The following CSMD2 variants were observed in gnomAD, a reference collection of about 807,000 sequenced individuals.
CSMD2 encodes the protein CUB and Sushi multiple domains 2.
A neutral mutation model predicts 398.5 loss-of-function variants in CSMD2; 130 were observed. The ratio of observed to expected loss-of-function variants is 0.33; its 90% confidence interval spans 0.28 to 0.38. The LOEUF is 0.38. Ranked by LOEUF, CSMD2 falls within the 10% of genes least tolerant of loss-of-function variation. The probability of loss-of-function intolerance (pLI) is 1.00; values close to 1 mark genes in which losing one functional copy is unlikely to be tolerated. For synonymous variants in CSMD2, 1,828 were observed against 1,908.5 expected (o/e 0.96, Z 1.10); for missense variants, 3,829 against 4,764.9 (o/e 0.80, Z 5.78).
intron 25 of CSMD2, among the ~76,000 whole-genome samples, chr1:33,668,808 G>T (rs1043990602): frequency 2.0e-5 from 3 of 152,186 alleles, no homozygotes; most frequent in Non-Finnish European, 4.4e-5. Flanking sequence ...CATTTCCAGG[G>T]AAGAGAAATG....
chr1:34,098,252 G>A (rs1659578850), intron 1 of CSMD2, among the ~76,000 whole-genome samples: 1 of 128,034 alleles, frequency 7.8e-6, no homozygotes, highest in Non-Finnish European at 1.6e-5. Context: ...ATCACATTCT[G>A]GGGACTGTTG....
chr1:33,537,381 A>G lies in CSMD2; in HGVS notation c.9805+55T>C. 2 of 1,547,622 alleles carry G rather than the reference A, an allele frequency of 1.3e-6. No individual in the cohort carries two copies. The highest frequency in any genetic ancestry group is 1.8e-6 in the Non-Finnish European group (2 of 1,142,322). Reference sequence around the variant, plus strand: ...GGAAAGTAATCATCTCAGGCCCAAAAGAAGGTCTCCCGCAACCCCAGCCAA... The same window carrying G: ...GGAAAGTAATCATCTCAGGCCCAAAGGAAGGTCTCCCGCAACCCCAGCCAA... On this transcript the variant is annotated intron_variant, in intron 61 of 70. Coordinates refer to ENST00000373381, the MANE Select transcript of CSMD2 (RefSeq NM_001281956.2). This position sits in a 1 kb window ranked among gnomAD's most constrained non-coding sequence, Gnocchi z 4.6.
chr1:33,577,397 C>T lies in CSMD2; in HGVS notation c.7475G>A (p.Gly2492Asp). ...CACCAGGCGGTAGCCGGCGTTGCAG[C>T]CAAAGTGGATGGAGCCCCCGGGCTG... ...STQPGGSIHF[G>D]CNAGYRLVGH... Residue 2492 changes from glycine (G) to aspartate (D), a missense_variant, in exon 49 of 71, where the codon GGC becomes GAC. By Grantham distance (94) the Gly-to-Asp change is moderately conservative (BLOSUM62 -1). Coordinates refer to ENST00000373381, the MANE Select transcript of CSMD2 (RefSeq NM_001281956.2). 6.2e-7 allele frequency: 1 copy of T among 1,614,152 alleles called. No homozygotes were observed. The highest frequency in any genetic ancestry group is 8.5e-7 in the Non-Finnish European group (1 of 1,180,004).
chr1:33,999,388 T>C (rs1006959739), intron 3 of CSMD2, among the ~76,000 whole-genome samples: 1 of 152,162 alleles, frequency 6.6e-6, no homozygotes, highest in Admixed American at 6.5e-5. Flanking sequence ...TTAAAAATTT[T>C]TTTTTATTTT....
chr1:34,055,693 C>A (rs2148240874), intron 2 of CSMD2, among the ~76,000 whole-genome samples: 1 of 152,318 alleles, frequency 6.6e-6, no homozygotes, highest in East Asian at 1.9e-4. Flanking sequence ...GCATATCAGT[C>A]TCCAGGAACC....
chr1:33,730,531 G>A (rs1490535763), intron 15 of CSMD2, among the ~76,000 whole-genome samples: 2 of 151,554 alleles, frequency 1.3e-5, no homozygotes, highest in Non-Finnish European at 2.9e-5. Context: ...TTAGTTGGTA[G>A]CATAATCCCA....
chr1:33,935,837 T>G lies in CSMD2; in HGVS notation c.635A>C (p.Glu212Ala). 4.3e-6 allele frequency: 7 copies of G among 1,614,172 alleles called. No homozygotes were observed. Among genetic ancestry groups the G allele is most frequent in the Non-Finnish European group, 5.9e-6 (7 of 1,180,004 alleles). Residue 212 changes from glutamate to alanine, a missense_variant, in exon 4 of 71, where the codon GAG becomes GCG. Physicochemically the swap from Glu to Ala is moderately radical, Grantham distance 107 (BLOSUM62 -1). Coordinates refer to ENST00000373381, the MANE Select transcript of CSMD2 (RefSeq NM_001281956.2). ...GTGGCAGGTGAGCACGGCGTGGCCC[T>G]CCAGGAAGAAGCCAAGGTTGCAGCT... ...RYSCNLGFFL[E>A]GHAVLTCHAG...
At chr1:34,143,710 A>T (rs918481973) in intron 1 of CSMD2, among the ~76,000 whole-genome samples, 3 of 152,166 alleles carry the variant, frequency 2.0e-5, no homozygotes, top group African/African-American at 7.2e-5. Flanking sequence ...GAAGGAAGGA[A>T]GGAGGGGAAA....
chr1:34,012,671 A>G (rs896657839), intron 3 of CSMD2, among the ~76,000 whole-genome samples: 1 of 152,158 alleles, frequency 6.6e-6, no homozygotes, highest in African/African-American at 2.4e-5. Context: ...TGCTCCATAT[A>G]CTAGAATGTA....
intron 25 of CSMD2, among the ~76,000 whole-genome samples, chr1:33,666,553 G>A (rs1158466873): frequency 2.0e-5 from 3 of 151,926 alleles, no homozygotes; most frequent in Non-Finnish European, 4.4e-5. Flanking sequence ...GTGTGTGTGT[G>A]TGTGTGTGTG....
At chr1:33,750,537 C>T (rs953418841) in intron 13 of CSMD2, among the ~76,000 whole-genome samples, 6 of 152,170 alleles carry the variant, frequency 3.9e-5, no homozygotes, top group African/African-American at 1.2e-4. Flanking sequence ...GACCACGACA[C>T]CTACTTCCTC....
rs545734732 is a variant in CSMD2, at chr1:33,528,225, G to C, written c.10172-967C>G. On this transcript the variant is annotated intron_variant, in intron 64 of 70. Transcript: ENST00000373381. Reference sequence around the variant, plus strand: ...TTGACTAGTAACTTCACCACTCAGAGTCTTTGCCTCCTCATTTGAAACCTG... The same window carrying C: ...TTGACTAGTAACTTCACCACTCAGACTCTTTGCCTCCTCATTTGAAACCTG... Among the ~76,000 whole-genome samples the C allele has an allele frequency of 3.9e-5, 6 of 152,336 alleles. No individual in the cohort carries two copies. In the East Asian group the frequency reaches 5.8e-4, roughly 15 times the overall value.
At chr1:33,536,916 G>C (rs909481047) in intron 62 of CSMD2, 106 bp downstream of exon 62, 11 of 1,087,248 alleles carry the variant, frequency 1.0e-5, no homozygotes, top group Non-Finnish European at 1.5e-5. Context: ...CCAAGCTCTT[G>C]TCCTCCCTGA....
At chr1:34,026,882 G>A (rs1002857526) in intron 3 of CSMD2, among the ~76,000 whole-genome samples, 3 of 152,158 alleles carry the variant, frequency 2.0e-5, no homozygotes, top group African/African-American at 7.2e-5. Context: ...AAGCATCAGA[G>A]AGCCAAAGAC....
chr1:33,777,246 T>C (rs1335587427), intron 12 of CSMD2, among the ~76,000 whole-genome samples: 4 of 151,876 alleles, frequency 2.6e-5, no homozygotes, highest in Non-Finnish European at 4.4e-5. Context: ...TGGCAAAGAG[T>C]TCTAAGGCAT....
intron 2 of CSMD2, among the ~76,000 whole-genome samples, chr1:34,040,067 A>G (rs1651660976): frequency 6.6e-6 from 1 of 151,940 alleles, no homozygotes; most frequent in Non-Finnish European, 1.5e-5. Context: ...AGGGGGCTTA[A>G]GTGGTCCCAG....
chr1:33,517,065 G>A (rs993950519), intron 70 of CSMD2, among the ~76,000 whole-genome samples: 4 of 152,016 alleles, frequency 2.6e-5, no homozygotes, highest in African/African-American at 9.7e-5. Context: ...CTGTTCCCCC[G>A]CCCTGTTACT....
chr1:33,792,332 G>C, intron 11 of CSMD2, 91 bp downstream of exon 11: 1 of 827,340 alleles, frequency 1.2e-6, no homozygotes, highest in Non-Finnish European at 2.1e-6. Flanking sequence ...GCTGTAGTAT[G>C]GTCTAGGGAC....
chr1:33,882,211 A>G (rs1641283708), intron 5 of CSMD2: 1 of 152,254 alleles, frequency 6.6e-6, no homozygotes, highest in Non-Finnish European at 1.5e-5. Context: ...TTAAACAGCT[A>G]TGAATGGAGA....
Sources: gnomAD v4.1 joint callset for allele counts (sites outside exome capture counted in the v4.1 genomes callset) on GRCh38, gnomAD v4.1.1 for gene constraint, Gnocchi (gnomAD v3.1) non-coding constraint, MANE v1.5 for transcripts, NCBI Gene and HGNC (gene_info 2026-07-23, HGNC 2026-07-21) for gene names.